Variants in MTERF4 observed in about 807,000 individuals in gnomAD.
The protein encoded by MTERF4 is mitochondrial transcription termination factor 4.
A neutral mutation model predicts 22.5 loss-of-function variants in MTERF4; 17 were observed. The ratio of observed to expected loss-of-function variants is 0.75; its 90% CI spans 0.52 to 1.13. The LOEUF (loss-of-function observed/expected upper bound fraction) is 1.13. Among genes scored for constraint, MTERF4 ranks in the 50% most tolerant of loss-of-function variants. The pLI, the probability that MTERF4 is intolerant of heterozygous loss-of-function variation, is 0.00. For synonymous variants in MTERF4, 165 were observed against 175.3 expected, an observed-to-expected ratio of 0.94 and a Z score of 0.47; for missense variants, 420 against 466.8, an observed-to-expected ratio of 0.90 and a Z score of 0.92.
chr2:241,101,609 C>T (rs1030343980), intron 1 of MTERF4, among the ~76,000 whole-genome samples: 1 of 152,278 alleles, frequency 6.6e-6, no homozygotes, highest in South Asian at 2.1e-4. Context: ...TGTCCAGATG[C>T]TCCCTCCGCC....
downstream of MTERF4, chr2:241,089,510 TG>T (rs1398747053): frequency 1.2e-5 from 16 of 1,391,216 alleles, no homozygotes; most frequent in African/African-American, 1.9e-4. Flanking sequence ...GCTCCGCACA[TG>T]GCAGGAACTT....
downstream of MTERF4, chr2:241,067,953 A>T: frequency 6.2e-7 from 1 of 1,603,830 alleles, no homozygotes; most frequent in Non-Finnish European, 8.5e-7. Flanking sequence ...TTTAGGTAAG[A>T]AGGGACACCC....
intron 4 of MTERF4, among the ~76,000 whole-genome samples, chr2:241,079,113 C>CAAA (rs1274280801): frequency 1.2e-3 from 86 of 72,554 alleles, no homozygotes; most frequent in Admixed American, 2.7e-3. Context: ...GACTCCATCT[C>CAAA]AAAAAAAAAA....
At chr2:241,087,433 A>G (rs1166874634), downstream of MTERF4, 1 of 1,604,864 alleles carries the variant, frequency 6.2e-7, no homozygotes, top group Non-Finnish European at 8.5e-7. Context: ...ATCTGCTTCA[A>G]AGAGAGCTGT....
downstream of MTERF4, chr2:241,088,041 G>A (rs549585519): frequency 4.7e-4 from 197 of 419,780 alleles, no homozygotes; most frequent in Middle Eastern, 6.1e-4. Context: ...CTCACCAGCC[G>A]TGCTGCTCGG....
the MTERF4 span, chr2:241,049,223 G>C: frequency 1.0e-6 from 1 of 983,008 alleles, no homozygotes; most frequent in Non-Finnish European, 1.6e-6. Context: ...AGAGGCCAGA[G>C]TCCCTACTTC....
chr2:241,058,866 T>A, the MTERF4 span, among the ~76,000 whole-genome samples: 1 of 151,818 alleles, frequency 6.6e-6, no homozygotes, highest in East Asian at 1.9e-4. Flanking sequence ...AGGAGAATGG[T>A]GTGAACCTGG....
At chr2:241,044,926 G>A in the MTERF4 span, among the ~76,000 whole-genome samples, 1 of 152,188 alleles carries the variant, frequency 6.6e-6, no homozygotes, top group East Asian at 1.9e-4. Context: ...CAGAAAACTG[G>A]AAAGTACTGG....
downstream of MTERF4, chr2:241,071,841 C>G (rs773697489): frequency 1.9e-6 from 3 of 1,604,860 alleles, no homozygotes; most frequent in Admixed American, 5.1e-5. Context: ...GCGCCAGGTT[C>G]GGTGGCTCAC....
chr2:241,077,531 G>A (rs1427827035), intron 4 of MTERF4, among the ~76,000 whole-genome samples: 3 of 152,036 alleles, frequency 2.0e-5, no homozygotes, highest in Admixed American at 6.6e-5. Flanking sequence ...TCAGAGACCC[G>A]CGTCTAAAAT....
At chr2:241,098,004 G>A (rs1307686069) in intron 2 of MTERF4, among the ~76,000 whole-genome samples, 1 of 152,136 alleles carries the variant, frequency 6.6e-6, no homozygotes. Flanking sequence ...TCCAAGCCAG[G>A]GCACCTTGAG....
chr2:241,080,728 G>T (rs541330098), intron 4 of MTERF4, among the ~76,000 whole-genome samples: 1 of 152,256 alleles, frequency 6.6e-6, no homozygotes, highest in Non-Finnish European at 1.5e-5. Context: ...TGTGTTCATC[G>T]TGATGCTCAG....
At chr2:241,100,086 G>A (rs1294672100) in intron 1 of MTERF4, 192 bp from the exon 2 acceptor site, 4 of 633,784 alleles carry the variant, frequency 6.3e-6, no homozygotes, top group African/African-American at 1.8e-5. Flanking sequence ...GGTATTTCAA[G>A]GCCACAGAGA....
the MTERF4 span, chr2:241,050,188 G>C: frequency 1.8e-6 from 1 of 551,358 alleles, no homozygotes; most frequent in East Asian, 3.0e-5. Flanking sequence ...TGCCTGCTCA[G>C]CATTTTTCCA....
chr2:241,084,475 T>C (rs151309848), downstream of MTERF4, among the ~76,000 whole-genome samples: 19 of 152,244 alleles, frequency 1.2e-4, no homozygotes, highest in African/African-American at 4.6e-4. Flanking sequence ...GGATTTACCA[T>C]ACACATCTTC....
downstream of MTERF4, among the ~76,000 whole-genome samples, chr2:241,085,234 AG>A (rs2063520875): frequency 6.6e-6 from 1 of 152,048 alleles, no homozygotes; most frequent in African/African-American, 2.4e-5. Context: ...CTGGGACTCC[AG>A]TTATGCGTGT....
the MTERF4 span, among the ~76,000 whole-genome samples, chr2:241,057,380 A>AATATATATATATATATATATATATAT: frequency 1.4e-4 from 16 of 118,106 alleles, no homozygotes; most frequent in East Asian, 2.9e-4. Flanking sequence ...TCCATCTCAA[A>AATATATATATATATATATATATATAT]ATATATATAT....
At chr2:241,070,189 T>C (rs1456539186), downstream of MTERF4, 1 of 1,606,058 alleles carries the variant, frequency 6.2e-7, no homozygotes, top group Non-Finnish European at 8.5e-7. Flanking sequence ...CGCCCACCTC[T>C]ACATCATCAC....
In MTERF4 at chr2:241,081,880, C is replaced by T. The variant is rs574660121; in HGVS notation, n.480-6198G>A. ...TGCTGGGCCACAGCTGGGTTTGCCACGGGAGCCTCCAAACGATGAGGTGCC... is the reference window on the plus strand; with the variant it reads ...TGCTGGGCCACAGCTGGGTTTGCCATGGGAGCCTCCAAACGATGAGGTGCC... On this transcript the variant is annotated intron_variant and non_coding_transcript_variant, in intron 4 of 4. Coordinates refer to the MTERF4 transcript ENST00000464344. 11 of 1,006,084 alleles carry T rather than the reference C, an allele frequency of 1.1e-5. No homozygotes were observed. In the Admixed American group the frequency reaches 1.2e-4, roughly 11 times the overall value. 62.3% of individuals were successfully genotyped at this position (1,006,084 alleles called of 1,614,324 possible).
Sources: gnomAD v4.1 joint callset for allele counts (sites outside exome capture counted in the v4.1 genomes callset) on GRCh38, gnomAD v4.1.1 for gene constraint, MANE v1.5 for transcripts, NCBI Gene and HGNC (gene_info 2026-07-23, HGNC 2026-07-21) for gene names.